FGGY: variants seen among roughly 807,000 people sequenced by gnomAD.
FGGY encodes the protein FGGY carbohydrate kinase domain containing, also known as FGGY carbohydrate kinase domain-containing protein.
Under a neutral mutation model 71.3 loss-of-function variants are expected in FGGY, and 72 were observed. That is an observed-to-expected ratio of 1.01 (90% CI 0.84 to 1.23). The LOEUF (loss-of-function observed/expected upper bound fraction) is 1.23. FGGY is among the 50% of genes most tolerant of loss of function. The pLI is 0.00. For synonymous variants in FGGY, 251 were observed against 250.3 expected, an observed-to-expected ratio of 1.00 and a Z score of -0.02; for missense variants, 668 against 682.3, an observed-to-expected ratio of 0.98 and a Z score of 0.23.
chr1:59,372,979 A>G (rs1177678191), intron 4 of FGGY, among the ~76,000 whole-genome samples: 1 of 152,180 alleles, frequency 6.6e-6, no homozygotes. Flanking sequence ...AACTGGAAGC[A>G]TTCCATTTGA....
intron 5 of FGGY, among the ~76,000 whole-genome samples, chr1:59,437,247 G>T (rs955598843): frequency 6.6e-6 from 1 of 152,186 alleles, no homozygotes; most frequent in Non-Finnish European, 1.5e-5. Flanking sequence ...TGGGTGTTCT[G>T]CTAGATTGGT....
chr1:59,499,898 T>C (rs979860436), intron 6 of FGGY, among the ~76,000 whole-genome samples: 5 of 152,178 alleles, frequency 3.3e-5, no homozygotes, highest in African/African-American at 1.2e-4. Context: ...TTTACTCTCT[T>C]TTATTCATGT....
chr1:59,567,220 C>A (rs1035606532), intron 8 of FGGY, among the ~76,000 whole-genome samples: 1 of 152,146 alleles, frequency 6.6e-6, no homozygotes, highest in African/African-American at 2.4e-5. Context: ...GATTAACTGA[C>A]CCTTCCCACA....
chr1:59,379,192 CAG>C lies in FGGY; in HGVS notation c.554+358_554+359del, dbSNP rs1553169150. Among the ~76,000 whole-genome samples, 19 of 150,718 alleles carry C rather than the reference CAG, an allele frequency of 1.3e-4. No individual in the cohort carries two copies. In the South Asian group the frequency reaches 1.9e-3, roughly 15 times the overall value. ...ACACACACACACACACACACACACACAGAGTCACGCATTCCTTAAGGACAGGG... is the reference window on the plus strand; with the variant it reads ...ACACACACACACACACACACACACACAGTCACGCATTCCTTAAGGACAGGG... On this transcript the variant is annotated intron_variant, in intron 5 of 15. Coordinates refer to ENST00000303721, the MANE Select transcript of FGGY (RefSeq NM_018291.5).
chr1:59,746,322 A>G (rs2098197273), intron 14 of FGGY, among the ~76,000 whole-genome samples: 1 of 152,170 alleles, frequency 6.6e-6, no homozygotes, highest in African/African-American at 2.4e-5. Flanking sequence ...AATGACTGTT[A>G]TCACCTTCCC....
At chr1:59,621,779 C>T (rs150911110) in intron 9 of FGGY, among the ~76,000 whole-genome samples, 188 of 151,854 alleles carry the variant, frequency 1.2e-3, no homozygotes, top group African/African-American at 4.3e-3. Flanking sequence ...GCTTTTATTA[C>T]GGTATGGCGT....
At chr1:59,340,214 G>A (rs2050387896) in intron 3 of FGGY, 145 bp downstream of exon 3, 6 of 625,234 alleles carry the variant, frequency 9.6e-6, no homozygotes, top group Non-Finnish European at 1.1e-5. Flanking sequence ...TCATGTTGCA[G>A]AAGTCAAGAG....
At chr1:59,558,132 C>T (rs2095721133) in intron 8 of FGGY, among the ~76,000 whole-genome samples, 1 of 152,124 alleles carries the variant, frequency 6.6e-6, no homozygotes, top group African/African-American at 2.4e-5. Flanking sequence ...ATAGTATTTA[C>T]CCATAAAGTT....
At chr1:59,579,058 T>G (rs1296744545) in intron 8 of FGGY, among the ~76,000 whole-genome samples, 1 of 152,146 alleles carries the variant, frequency 6.6e-6, no homozygotes, top group African/African-American at 2.4e-5. Flanking sequence ...AACTTCTCCA[T>G]GAAAATAACC....
intron 14 of FGGY, among the ~76,000 whole-genome samples, chr1:59,733,457 TTTTG>T (rs745805881): frequency 3.4e-5 from 4 of 117,664 alleles, no homozygotes; most frequent in Admixed American, 8.6e-5. Context: ...TTTTGTTTTG[TTTTG>T]TTTTTTTGTT....
At chr1:59,359,066 G>T (rs2054895719) in intron 4 of FGGY, among the ~76,000 whole-genome samples, 1 of 152,152 alleles carries the variant, frequency 6.6e-6, no homozygotes, top group African/African-American at 2.4e-5. Flanking sequence ...TATCACACAG[G>T]TACCCCTGTC....
intron 14 of FGGY, among the ~76,000 whole-genome samples, chr1:59,710,611 A>T (rs1018207411): frequency 6.1e-4 from 93 of 152,212 alleles, no homozygotes; most frequent in African/African-American, 2.1e-3. Context: ...GAAAAAAGCA[A>T]CCCCATCAAA....
At chr1:59,504,264 A>G (rs756247398) in intron 6 of FGGY, among the ~76,000 whole-genome samples, 2 of 152,160 alleles carry the variant, frequency 1.3e-5, no homozygotes, top group African/African-American at 4.8e-5. Flanking sequence ...AATAGTATTT[A>G]TAATAAACCA....
intron 9 of FGGY, among the ~76,000 whole-genome samples, chr1:59,621,828 G>T (rs2096811113): frequency 6.6e-6 from 1 of 151,692 alleles, no homozygotes; most frequent in Non-Finnish European, 1.5e-5. Context: ...TTTGTAAGTT[G>T]ATTCCTTTCA....
At chr1:59,577,879 C>T (rs772786372) in intron 8 of FGGY, among the ~76,000 whole-genome samples, 12 of 152,130 alleles carry the variant, frequency 7.9e-5, no homozygotes, top group South Asian at 2.1e-4. Context: ...CCCTAGCCAG[C>T]GCTGTCCACC....
chr1:59,525,750 A>G (rs1232662489), intron 7 of FGGY, among the ~76,000 whole-genome samples: 2 of 152,226 alleles, frequency 1.3e-5, no homozygotes, highest in African/African-American at 2.4e-5. Flanking sequence ...TAGAGCTTCT[A>G]TCCTACTGGG....
chr1:59,371,946 A>G (rs529175922), intron 4 of FGGY, among the ~76,000 whole-genome samples: 3 of 152,348 alleles, frequency 2.0e-5, no homozygotes, highest in Admixed American at 6.5e-5. Context: ...AATGCCCACA[A>G]GAGAAAGCAG....
intron 8 of FGGY, among the ~76,000 whole-genome samples, chr1:59,596,723 G>T (rs1273479858): frequency 6.6e-6 from 1 of 152,202 alleles, no homozygotes; most frequent in Non-Finnish European, 1.5e-5. Flanking sequence ...GCCTGGGAAA[G>T]ATTCACAGGC....
intron 11 of FGGY, among the ~76,000 whole-genome samples, chr1:59,649,952 T>C (rs2097140148): frequency 6.8e-6 from 1 of 146,642 alleles, no homozygotes; most frequent in African/African-American, 2.7e-5. Context: ...TGAGAGTTTT[T>C]AGCATGAAGG....
Sources: gnomAD v4.1 joint callset for allele counts (sites outside exome capture counted in the v4.1 genomes callset) on GRCh38, gnomAD v4.1.1 for gene constraint, MANE v1.5 for transcripts, NCBI Gene and HGNC (gene_info 2026-07-23, HGNC 2026-07-21) for gene names.